The following NTRK3 variants were observed in gnomAD, a reference collection of about 807,000 sequenced individuals.
The protein encoded by NTRK3 is NT-3 growth factor receptor.
In NTRK3, 24 loss-of-function variants were observed where a neutral mutation model predicts 91.7. The ratio of observed to expected loss-of-function variants is 0.26; its 90% CI spans 0.19 to 0.37. NTRK3 has a LOEUF of 0.37. NTRK3 is among the 10% of genes least tolerant of loss of function. NTRK3 has a pLI of 1.00. For missense variants in NTRK3, 880 were observed against 1,068.9 expected (o/e 0.82, Z 2.46); for synonymous variants, 483 against 404.0 (o/e 1.20, Z -2.34).
intron 5 of NTRK3, among the ~76,000 whole-genome samples, chr15:88,166,308 C>T (rs754288967): frequency 1.3e-5 from 2 of 152,236 alleles, no homozygotes; most frequent in Non-Finnish European, 2.9e-5. Context: ...CTGTTTACAT[C>T]TGGGTCTAGA....
intron 3 of NTRK3, among the ~76,000 whole-genome samples, chr15:88,211,040 A>G (rs1184475344): frequency 4.6e-5 from 7 of 152,218 alleles, no homozygotes; most frequent in Non-Finnish European, 8.8e-5. Context: ...TTTACATAAC[A>G]TAAAATTAGC....
intron 14 of NTRK3, among the ~76,000 whole-genome samples, chr15:88,012,209 T>G (rs1027843700): frequency 2.6e-5 from 4 of 152,056 alleles, no homozygotes; most frequent in Non-Finnish European, 4.4e-5. Context: ...TATAAGACAA[T>G]GAGATCCTCG....
intron 13 of NTRK3, among the ~76,000 whole-genome samples, chr15:88,053,364 A>G (rs536109669): frequency 6.6e-6 from 1 of 152,318 alleles, no homozygotes; most frequent in African/African-American, 2.4e-5. Context: ...TACCTACTAA[A>G]TAGAAGGGTT....
intron 13 of NTRK3, among the ~76,000 whole-genome samples, chr15:88,117,954 T>C (rs1470183277): frequency 2.0e-5 from 3 of 152,178 alleles, no homozygotes; most frequent in African/African-American, 7.2e-5. Flanking sequence ...AGGATGCTAT[T>C]CCTCCACCTG....
intron 14 of NTRK3, among the ~76,000 whole-genome samples, chr15:87,970,777 T>C (rs2073192462): frequency 6.6e-6 from 1 of 152,186 alleles, no homozygotes; most frequent in Non-Finnish European, 1.5e-5. Flanking sequence ...GAGCACTTGA[T>C]CCTTACAACA....
chr15:88,183,317 C>T, intron 5 of NTRK3, 101 bp downstream of exon 5: 1 of 1,186,448 alleles, frequency 8.4e-7, no homozygotes, highest in Admixed American at 1.7e-5. Flanking sequence ...CCCAAGAGCC[C>T]CTGGAGGCAA....
chr15:88,031,151 G>T (rs1421666139), intron 14 of NTRK3, among the ~76,000 whole-genome samples: 4 of 152,182 alleles, frequency 2.6e-5, no homozygotes, highest in South Asian at 2.1e-4. Context: ...ATATGACAAG[G>T]TTATGTATTG....
chr15:87,995,427 A>G (rs2075616053), intron 14 of NTRK3, among the ~76,000 whole-genome samples: 1 of 152,170 alleles, frequency 6.6e-6, no homozygotes, highest in Non-Finnish European at 1.5e-5. Flanking sequence ...GAGACATAAG[A>G]TTTTCTCCTA....
intron 14 of NTRK3, among the ~76,000 whole-genome samples, chr15:87,945,217 G>A (rs2070337861): frequency 6.6e-6 from 1 of 152,210 alleles, no homozygotes; most frequent in Non-Finnish European, 1.5e-5. Context: ...GAGTTCCTGG[G>A]ACCTTCTGGC....
chr15:87,926,642 G>A (rs936996919), intron 17 of NTRK3: 4 of 152,134 alleles, frequency 2.6e-5, no homozygotes, highest in African/African-American at 7.2e-5. Flanking sequence ...ATTAAGGCAA[G>A]GACAAAGAAA....
At chr15:88,176,900 G>A (rs964583191) in intron 5 of NTRK3, among the ~76,000 whole-genome samples, 3 of 152,184 alleles carry the variant, frequency 2.0e-5, no homozygotes, top group Non-Finnish European at 2.9e-5. Flanking sequence ...GGAATAAAAT[G>A]TGATCTATTT....
intron 13 of NTRK3, among the ~76,000 whole-genome samples, chr15:88,084,871 A>G (rs113722726): frequency 0.03 from 4,639 of 152,280 alleles, 224 homozygotes; most frequent in African/African-American, 0.1. Flanking sequence ...CTGGACAGCC[A>G]CATCCTCCCT....
intron 5 of NTRK3, among the ~76,000 whole-genome samples, chr15:88,170,139 G>A (rs1290571493): frequency 6.6e-6 from 1 of 152,178 alleles, no homozygotes; most frequent in South Asian, 2.1e-4. Context: ...ATGTATTAAT[G>A]TCTCAGAAAA....
At chr15:88,206,202 G>A (rs1425046909) in intron 3 of NTRK3, among the ~76,000 whole-genome samples, 4 of 149,366 alleles carry the variant, frequency 2.7e-5, no homozygotes, top group Non-Finnish European at 4.4e-5. Flanking sequence ...AAAATTAGCC[G>A]GGCGAGGTGG....
At chr15:87,922,790 G>A (rs150605164) in intron 17 of NTRK3, among the ~76,000 whole-genome samples, 1,566 of 152,260 alleles carry the variant, frequency 0.01, 32 homozygotes, top group African/African-American at 0.036. Context: ...GCTCTAATTT[G>A]TATTTCTTCC....
At chr15:88,135,150 G>T (rs1365386929) in exon 10 of NTRK3, 2 of 1,614,122 alleles carry the variant, frequency 1.2e-6, no homozygotes, top group African/African-American at 2.7e-5. Context: ...GGTTGGCTGT[G>T]CCCAGTGGGT....
chr15:88,065,181 G>A (rs573658514), intron 13 of NTRK3, among the ~76,000 whole-genome samples: 1 of 152,182 alleles, frequency 6.6e-6, no homozygotes, highest in East Asian at 1.9e-4. Context: ...GCACCTCACT[G>A]ATAGGAGGCC....
In NTRK3 at chr15:87,896,818, C is replaced by CA. The variant is rs2066152586; in HGVS notation, c.2134-16391_2134-16390insT. On this transcript the variant is annotated intron_variant, in intron 17 of 18. Coordinates refer to ENST00000394480, the Ensembl canonical transcript of NTRK3. ...TTCTACAGTGACATCAGACTTCTGA[C>CA]TTATTAAGTCAGAATTGCTTGCCTT... 2.6e-5 allele frequency among the ~76,000 whole-genome samples: 4 copies of CA among 152,172 alleles called. No individual in the cohort carries two copies. In the South Asian group the frequency reaches 6.2e-4, roughly 24 times the overall value.
At chr15:88,154,473 A>C (rs547165862) in intron 5 of NTRK3, among the ~76,000 whole-genome samples, 7 of 152,380 alleles carry the variant, frequency 4.6e-5, no homozygotes, top group African/African-American at 1.7e-4. Flanking sequence ...ATATTTTCCT[A>C]CATCATTGAT....
Sources: allele counts gnomAD v4.1 joint callset (sites outside exome capture counted in the v4.1 genomes callset), GRCh38; gene constraint gnomAD v4.1.1; transcripts MANE v1.5; gene names NCBI Gene and HGNC (gene_info 2026-07-23, HGNC 2026-07-21).